Variants in OSBPL9 observed in about 807,000 individuals in gnomAD.
The protein encoded by OSBPL9 is oxysterol binding protein like 9.
Under a neutral mutation model 106.6 loss-of-function variants are expected in OSBPL9, and 40 were observed. The ratio of observed to expected loss-of-function variants is 0.38; its 90% CI spans 0.29 to 0.49. The LOEUF (loss-of-function observed/expected upper bound fraction) is 0.49. OSBPL9 is among the 20% of genes least tolerant of loss of function. OSBPL9 has a pLI of 0.97. For missense variants in OSBPL9, 609 were observed against 887.2 expected, an observed-to-expected ratio of 0.69 and a Z score of 3.98; for synonymous variants, 269 against 295.4, an observed-to-expected ratio of 0.91 and a Z score of 0.92.
chr1:51,707,190 G>A, intron 3 of OSBPL9: 1 of 396,910 alleles, frequency 2.5e-6, no homozygotes, highest in South Asian at 1.9e-5. Context: ...GGTGTAGCCA[G>A]ATTCATTTTC....
intron 3 of OSBPL9, among the ~76,000 whole-genome samples, chr1:51,670,111 G>A (rs1033369823): frequency 1.3e-5 from 2 of 152,090 alleles, no homozygotes; most frequent in African/African-American, 2.4e-5. Context: ...ATGGTTCACC[G>A]GTAGAAAGGG....
At chr1:51,671,674 G>A (rs576887760) in intron 3 of OSBPL9, among the ~76,000 whole-genome samples, 80 of 152,162 alleles carry the variant, frequency 5.3e-4, no homozygotes, top group Middle Eastern at 3.4e-3. Flanking sequence ...ATAAGTCCTG[G>A]GGAGAAAAAA....
intron 2 of OSBPL9, among the ~76,000 whole-genome samples, chr1:51,656,826 A>G (rs1269390857): frequency 1.3e-5 from 2 of 149,324 alleles, no homozygotes; most frequent in Non-Finnish European, 3.0e-5. Context: ...CACCTGGCTA[A>G]TTAAAATTTT....
At chr1:51,626,546 C>G (rs957311867) in intron 1 of OSBPL9, among the ~76,000 whole-genome samples, 15 of 152,112 alleles carry the variant, frequency 9.9e-5, no homozygotes, top group African/African-American at 3.6e-4. Flanking sequence ...AGATCTCACT[C>G]TGTCACCCAG....
intron 3 of OSBPL9, among the ~76,000 whole-genome samples, chr1:51,704,696 G>A (rs1658050178): frequency 6.6e-6 from 1 of 152,158 alleles, no homozygotes; most frequent in African/African-American, 2.4e-5. Flanking sequence ...GTTGGAAGGA[G>A]AGTGAGACAG....
the OSBPL9 span, among the ~76,000 whole-genome samples, chr1:51,540,089 A>G: frequency 6.6e-6 from 1 of 152,064 alleles, no homozygotes; most frequent in African/African-American, 2.4e-5. Context: ...TAAATCCCCT[A>G]TTCTGAGAAA....
intron 3 of OSBPL9, among the ~76,000 whole-genome samples, chr1:51,675,602 G>A (rs1180319870): frequency 6.6e-6 from 1 of 152,048 alleles, no homozygotes; most frequent in Non-Finnish European, 1.5e-5. Flanking sequence ...ATACTAGGGT[G>A]GAACTGCTAA....
chr1:51,756,209 A>G, intron 8 of OSBPL9, 111 bp from the exon 9 acceptor site: 2 of 847,694 alleles, frequency 2.4e-6, no homozygotes, highest in Non-Finnish European at 3.8e-6. Context: ...CAGATAAATC[A>G]TGTTCTAACA....
intron 14 of OSBPL9, among the ~76,000 whole-genome samples, chr1:51,776,138 G>T (rs764343386): frequency 6.6e-6 from 1 of 151,846 alleles, no homozygotes; most frequent in South Asian, 2.1e-4. Flanking sequence ...CAGTTTGTTG[G>T]TTCCCAGTCT....
At chr1:51,720,883 G>A (rs1033836077) in intron 4 of OSBPL9, among the ~76,000 whole-genome samples, 2 of 141,914 alleles carry the variant, frequency 1.4e-5, no homozygotes, top group Admixed American at 7.5e-5. Context: ...CTGCAGCCTC[G>A]ACCTCCCAGG....
chr1:51,617,627 G>T (rs1488788204), intron 1 of OSBPL9, among the ~76,000 whole-genome samples: 1 of 152,058 alleles, frequency 6.6e-6, no homozygotes, highest in Non-Finnish European at 1.5e-5. Flanking sequence ...GTAGCCGGCC[G>T]CACCCCTTAG....
At chr1:51,575,269 C>T (rs1411474916), upstream of OSBPL9, among the ~76,000 whole-genome samples, 1 of 152,088 alleles carries the variant, frequency 6.6e-6, no homozygotes, top group Non-Finnish European at 1.5e-5. Context: ...GGCCTGATCT[C>T]GGCTCACTGC....
intron 1 of OSBPL9, among the ~76,000 whole-genome samples, chr1:51,590,602 A>G (rs1360314079): frequency 6.8e-6 from 1 of 148,020 alleles, no homozygotes; most frequent in Non-Finnish European, 1.5e-5. Context: ...CCTGGGCGAC[A>G]GAGTGAGACT....
In OSBPL9 at chr1:51,761,981, T is replaced by G; in HGVS notation, c.778+10T>G. The G allele has an allele frequency of 6.4e-7, 1 of 1,568,880 alleles. No individual in the cohort carries two copies. Among genetic ancestry groups the G allele is most frequent in the South Asian group, 1.1e-5 (1 of 90,118 alleles). On this transcript the variant is annotated intron_variant, in intron 11 of 23. Coordinates refer to ENST00000428468, the MANE Select transcript of OSBPL9 (RefSeq NM_024586.6). The stretch of plus-strand genomic sequence containing the variant: ...ACACCAAATAGTACAGGTACAGATT[T>G]GCATAATTTCTTTATGTCTCATAAC...
the OSBPL9 span, among the ~76,000 whole-genome samples, chr1:51,522,735 A>G: frequency 6.6e-6 from 1 of 152,200 alleles, no homozygotes; most frequent in Admixed American, 6.5e-5. Context: ...TGGGTCACTA[A>G]GCCTCATTTT....
At chr1:51,530,607 A>G in the OSBPL9 span, among the ~76,000 whole-genome samples, 1 of 151,982 alleles carries the variant, frequency 6.6e-6, no homozygotes, top group Admixed American at 6.6e-5. Context: ...AAAATTAGCC[A>G]GGCATAGTGA....
At chr1:51,610,190 TG>T (rs555525034) in intron 2 of OSBPL9, among the ~76,000 whole-genome samples, 5 of 152,364 alleles carry the variant, frequency 3.3e-5, no homozygotes, top group African/African-American at 1.2e-4. Flanking sequence ...TAGCTCTATC[TG>T]GGGGTGGGCA....
At chr1:51,749,506 G>A in intron 7 of OSBPL9, 1 of 430,980 alleles carries the variant, frequency 2.3e-6, no homozygotes, top group South Asian at 1.6e-5. Context: ...TTATAGAGAT[G>A]GGATTCTGCT....
At chr1:51,555,359 A>T in the OSBPL9 span, among the ~76,000 whole-genome samples, 1 of 151,614 alleles carries the variant, frequency 6.6e-6, no homozygotes, top group East Asian at 2.0e-4. Flanking sequence ...GCATGGTGGC[A>T]CGTGCCTGTA....
Sources: gnomAD v4.1 joint callset for allele counts (sites outside exome capture counted in the v4.1 genomes callset) on GRCh38, gnomAD v4.1.1 for gene constraint, MANE v1.5 for transcripts, NCBI Gene and HGNC (gene_info 2026-07-23, HGNC 2026-07-21) for gene names.